Variants in EFHD1 observed in about 807,000 individuals in gnomAD.
EFHD1 encodes EF-hand domain family member D1, also known as EF-hand domain-containing protein D1.
A neutral mutation model predicts 17.2 loss-of-function variants in EFHD1; 10 were observed. The observed-to-expected ratio is 0.58, with a 90% CI of 0.36 to 0.99. EFHD1 has a LOEUF of 0.99. Among genes scored for constraint, EFHD1 ranks in the 50% least tolerant of loss-of-function variants. The probability of loss-of-function intolerance (pLI) is 0.01; values close to 1 mark genes in which losing one functional copy is unlikely to be tolerated. For missense variants in EFHD1, 310 were observed against 327.5 expected (o/e 0.95, Z 0.41); for synonymous variants, 153 against 142.0 (o/e 1.08, Z -0.55).
chr2:232,606,386 C>A (rs1214289847), intron 1 of EFHD1, among the ~76,000 whole-genome samples: 1 of 152,196 alleles, frequency 6.6e-6, no homozygotes, highest in East Asian at 1.9e-4. Context: ...CCCAGAGAAT[C>A]TAAACTCGAA....
upstream of EFHD1, among the ~76,000 whole-genome samples, chr2:232,630,562 A>G (rs916913140): frequency 1.3e-5 from 2 of 152,202 alleles, no homozygotes; most frequent in African/African-American, 2.4e-5. Flanking sequence ...TGCTCACAGT[A>G]TGCAAGCGCA....
At chr2:232,681,178 A>AATAG (rs1050329801) in intron 3 of EFHD1, among the ~76,000 whole-genome samples, 7 of 152,088 alleles carry the variant, frequency 4.6e-5, no homozygotes, top group African/African-American at 1.7e-4. Context: ...TAAATAAATA[A>AATAG]AAAATAAAAA....
chr2:232,643,926 T>C (rs1694477608), intron 1 of EFHD1, among the ~76,000 whole-genome samples: 1 of 152,208 alleles, frequency 6.6e-6, no homozygotes, highest in Non-Finnish European at 1.5e-5. Flanking sequence ...AGCAGCCCAT[T>C]CCTGGGGGCT....
chr2:232,654,846 A>T (rs547979300), intron 1 of EFHD1, among the ~76,000 whole-genome samples: 2 of 152,274 alleles, frequency 1.3e-5, no homozygotes, highest in East Asian at 3.9e-4. Flanking sequence ...TGGGCTGGGA[A>T]GCCGTCTCCC....
chr2:232,619,625 A>G (rs2106185841), intron 1 of EFHD1, among the ~76,000 whole-genome samples: 1 of 152,244 alleles, frequency 6.6e-6, no homozygotes, highest in South Asian at 2.1e-4. Flanking sequence ...TGATTTCTTA[A>G]GGAAGTACTT....
intron 1 of EFHD1, 55 bp downstream of exon 1, chr2:232,634,061 C>A: frequency 8.2e-6 from 13 of 1,586,752 alleles, no homozygotes; most frequent in Non-Finnish European, 1.0e-5. Context: ...AGCGGGAGGG[C>A]TTTCTGGTCC....
intron 1 of EFHD1, among the ~76,000 whole-genome samples, chr2:232,641,811 A>G (rs1354665772): frequency 1.3e-5 from 2 of 152,210 alleles, no homozygotes; most frequent in Non-Finnish European, 2.9e-5. Context: ...CAGTGGCCTC[A>G]GGTCCAGAGG....
In EFHD1 at chr2:232,662,872, C is replaced by T; in HGVS notation, c.373C>T (p.Pro125Ser). 1.9e-6 allele frequency: 3 copies of T among 1,595,532 alleles called. No individual in the cohort carries two copies. The highest frequency in any genetic ancestry group is 2.6e-6 in the Non-Finnish European group (3 of 1,172,390). The change falls in exon 2 of 4, where the codon CCC (proline) becomes TCC (serine). Residue 125 changes from proline to serine, a missense_variant. Pro to Ser is a moderately conservative substitution (Grantham distance 74). Transcript: ENST00000264059. The stretch of plus-strand genomic sequence containing the variant: ...GCTGATGATGGAGAAGCTGGGGGCC[C>T]CCCAGACCCACCTGGGCCTGAAGAG... ...LKLMMEKLGA[P>S]QTHLGLKSMI...
chr2:232,661,631 A>G (rs966298473), intron 1 of EFHD1: 4 of 141,874 alleles, frequency 2.8e-5, no homozygotes, highest in African/African-American at 1.0e-4. Flanking sequence ...CAGTGGTGCA[A>G]TCTCAGCTCA....
intron 1 of EFHD1, 186 bp from the exon 2 acceptor site, chr2:232,662,616 G>C (rs1694893666): frequency 1.6e-6 from 1 of 608,148 alleles, no homozygotes; most frequent in East Asian, 3.5e-5. Context: ...GATCTGCTTT[G>C]AGTCATACAA....
At chr2:232,615,426 T>G (rs1693910191) in intron 1 of EFHD1, among the ~76,000 whole-genome samples, 1 of 151,916 alleles carries the variant, frequency 6.6e-6, no homozygotes. Flanking sequence ...ATTCTCCCTC[T>G]TATTTCGCCT....
At chr2:232,649,494 G>A (rs970399111) in intron 1 of EFHD1, among the ~76,000 whole-genome samples, 1 of 152,148 alleles carries the variant, frequency 6.6e-6, no homozygotes, top group Non-Finnish European at 1.5e-5. Flanking sequence ...GGCGGATTTG[G>A]GTTTTCCCCA....
intron 1 of EFHD1, among the ~76,000 whole-genome samples, chr2:232,613,813 CAT>C (rs145871682): frequency 0.22 from 32,347 of 149,860 alleles, 3,997 homozygotes; most frequent in East Asian, 0.58. Flanking sequence ...AATATACACA[CAT>C]ATACACACAC....
At chr2:232,607,163 A>G (rs2106269792) in intron 1 of EFHD1, among the ~76,000 whole-genome samples, 1 of 151,738 alleles carries the variant, frequency 6.6e-6, no homozygotes, top group African/African-American at 2.4e-5. Context: ...GGCCCATTTT[A>G]TTTCTAAATG....
At chr2:232,638,868 G>A (rs1374094712) in intron 1 of EFHD1, among the ~76,000 whole-genome samples, 1 of 152,200 alleles carries the variant, frequency 6.6e-6, no homozygotes, top group Admixed American at 6.5e-5. Context: ...TTGTACATTT[G>A]ACAATTTTGA....
chr2:232,660,040 G>A (rs886528259), intron 1 of EFHD1, among the ~76,000 whole-genome samples: 6 of 152,192 alleles, frequency 3.9e-5, no homozygotes, highest in African/African-American at 1.2e-4. Context: ...TGATCCAACC[G>A]CCTCCCACTA....
chr2:232,675,232 AG>A, intron 3 of EFHD1, among the ~76,000 whole-genome samples: 1 of 142,710 alleles, frequency 7.0e-6, no homozygotes, highest in Non-Finnish European at 1.5e-5. Flanking sequence ...GGAGAAAGAA[AG>A]AGAGAAAGAA....
chr2:232,673,969 C>T (rs558015615), intron 3 of EFHD1, among the ~76,000 whole-genome samples: 3 of 145,912 alleles, frequency 2.1e-5, no homozygotes, highest in African/African-American at 7.6e-5. Context: ...AGTACAGTGG[C>T]ACGATCTTGG....
At position 232,657,965 on chromosome 2, in the gene EFHD1, A is replaced by G. The variant is rs1252161481; in HGVS notation, c.303-4837A>G. ...ACTCAGGCTGGAGTGCAGTGGTGCG[A>G]TCTCGGCTCACTGCAACCTCTGCCT... On this transcript the variant is annotated intron_variant, in intron 1 of 3. Coordinates refer to ENST00000264059, the MANE Select transcript of EFHD1 (RefSeq NM_025202.4). Among the ~76,000 whole-genome samples the G allele has an allele frequency of 7.3e-5, 9 of 122,596 alleles. No individual in the cohort carries two copies. In the Admixed American group the frequency reaches 9.0e-4, roughly 12 times the overall value. The allele number at this position is 122,596 out of a possible 152,430, so 80.4% of individuals were successfully genotyped here. A position where few individuals can be genotyped will look rare whatever the true frequency, so the allele number is the denominator to read the frequency against.
Sources: gnomAD v4.1 joint callset for allele counts (sites outside exome capture counted in the v4.1 genomes callset) on GRCh38, gnomAD v4.1.1 for gene constraint, MANE v1.5 for transcripts, NCBI Gene and HGNC (gene_info 2026-07-23, HGNC 2026-07-21) for gene names.